Variants in DENND3 observed in about 807,000 individuals in gnomAD.
The protein encoded by DENND3 is DENN domain-containing protein 3.
Under a neutral mutation model 135.1 loss-of-function variants are expected in DENND3, and 88 were observed. That is an observed-to-expected ratio of 0.65 (90% confidence interval 0.55 to 0.78). The LOEUF is 0.78. Among genes scored for constraint, DENND3 ranks in the 30% least tolerant of loss-of-function variants. The pLI is 0.00. For synonymous variants in DENND3, 693 were observed against 712.3 expected (o/e 0.97, Z 0.43); for missense variants, 1,392 against 1,688.4 (o/e 0.82, Z 3.08).
At position 141,175,187 on chromosome 8, in the gene DENND3, T is replaced by G. The variant is rs1265856424; in HGVS notation, c.2276-13T>G. 1 of 1,607,824 alleles carries G rather than the reference T, an allele frequency of 6.2e-7. No individual in the cohort carries two copies. Among genetic ancestry groups the G allele is most frequent in the Admixed American group, 1.7e-5 (1 of 59,160 alleles). Reference sequence around the variant, plus strand: ...GCTGTAAGATACCTCTCTTTTCTTCTTATCAAACTAAGGACAGGAGAAACA... The same window carrying G: ...GCTGTAAGATACCTCTCTTTTCTTCGTATCAAACTAAGGACAGGAGAAACA... On this transcript the variant is annotated splice_polypyrimidine_tract_variant and intron_variant, in intron 13 of 22. Coordinates refer to ENST00000519811, the MANE Select transcript of DENND3 (RefSeq NM_001352890.3). This position sits in a 1 kb window ranked among gnomAD's most constrained non-coding sequence, Gnocchi z 5.4.
At chr8:141,134,987 C>A (rs772045450) in intron 1 of DENND3, among the ~76,000 whole-genome samples, 8 of 152,056 alleles carry the variant, frequency 5.3e-5, no homozygotes, top group South Asian at 4.2e-4. Flanking sequence ...TGCAGGCATG[C>A]GCCACCAAGC....
intron 13 of DENND3, among the ~76,000 whole-genome samples, chr8:141,169,705 G>T (rs755234012): frequency 6.6e-6 from 1 of 152,200 alleles, no homozygotes; most frequent in Non-Finnish European, 1.5e-5. Context: ...CACCTGACGC[G>T]GTACCTAGTG....
chr8:141,148,764 T>C (rs1569555579), intron 5 of DENND3, among the ~76,000 whole-genome samples: 1 of 152,112 alleles, frequency 6.6e-6, no homozygotes, highest in Non-Finnish European at 1.5e-5. Context: ...TAATCTTTAA[T>C]TGGATAGCTG....
At chr8:141,147,066 G>A (rs564921142) in intron 5 of DENND3, among the ~76,000 whole-genome samples, 3 of 152,250 alleles carry the variant, frequency 2.0e-5, no homozygotes, top group South Asian at 4.1e-4. Context: ...CCTTCATCTC[G>A]ACGCACCCGT....
chr8:141,130,898 G>T lies in DENND3; in HGVS notation c.102+2089G>T, dbSNP rs959979410. Among the ~76,000 whole-genome samples the T allele has an allele frequency of 6.6e-6, 1 of 152,068 alleles. No homozygotes were observed. The highest frequency in any genetic ancestry group is 1.5e-5 in the Non-Finnish European group (1 of 68,012). On this transcript the variant is annotated intron_variant, in intron 1 of 22. Transcript: ENST00000519811. The surrounding 1 kb of genome is among the most constrained non-coding windows in gnomAD (Gnocchi z 4.2). ...GACAGGGTTTCACCACGTTGGTCAG[G>T]CTGGTCTCAAACTCCTGACCTCACG...
rs369404169 is a variant in DENND3 at position 141,137,977 on chromosome 8, C to T, written c.386-45C>T. The T allele has an allele frequency of 3.7e-5, 58 of 1,552,046 alleles. No homozygotes were observed. The African/African-American group carries it at 6.9e-4, about 19-fold the overall frequency. ...AAATCAGCTCGTGGGTAACCCAGGC[C>T]ACTTGGCAAGAACAGGATTCTTCTC... On this transcript the variant is annotated intron_variant, in intron 2 of 22. Transcript: ENST00000519811. This position sits in a 1 kb window ranked among gnomAD's most constrained non-coding sequence, Gnocchi z 4.1.
chr8:141,128,754 T>C lies in DENND3; in HGVS notation c.47T>C (p.Leu16Pro). ...SPHLSLPSGL[L>P]ELCALLGAPR... ...CACTTGTCGCTGCCCTCGGGGCTGC[T>C]GGAGCTCTGCGCGCTGCTGGGCGCC... Residue 16 changes from leucine (L) to proline (P), a missense_variant, in exon 1 of 23, where the codon CTG (leucine) becomes CCG (proline). By Grantham distance (98) the Leu-to-Pro change is moderately conservative (BLOSUM62 -3). Transcript: ENST00000519811. The surrounding 1 kb of genome is among the most constrained non-coding windows in gnomAD (Gnocchi z 4.5). The C allele has an allele frequency of 6.8e-7, 1 of 1,467,842 alleles. No homozygotes were observed. Among genetic ancestry groups the C allele is most frequent in the Non-Finnish European group, 9.0e-7 (1 of 1,113,026 alleles). 90.9% of individuals were successfully genotyped at this position (1,467,842 alleles called of 1,614,324 possible). A position where few individuals can be genotyped will look rare whatever the true frequency, so the allele number is the denominator to read the frequency against.
At position 141,168,246 on chromosome 8, in the gene DENND3, A is replaced by T. The variant is rs1821057948; in HGVS notation, c.1996A>T (p.Thr666Ser). 1.9e-6 allele frequency: 3 copies of T among 1,614,014 alleles called. No individual in the cohort carries two copies. The South Asian group carries it at 3.3e-5, about 18-fold the overall frequency. ...CTTGGACTTCCAGAATCTGTATAAAACAGACATACGGATCTTTCCCACTGA... is the reference window on the plus strand; with the variant it reads ...CTTGGACTTCCAGAATCTGTATAAATCAGACATACGGATCTTTCCCACTGA... Reference protein sequence around the residue: ...ALLDFQNLYKTDIRIFPTDLV... With the variant: ...ALLDFQNLYKSDIRIFPTDLV... The change falls in exon 13 of 23, where the codon ACA becomes TCA. Residue 666 changes from threonine to serine, a missense_variant. Physicochemically the swap from Thr to Ser is moderately conservative, Grantham distance 58. Transcript: ENST00000519811. This position sits in a 1 kb window ranked among gnomAD's most constrained non-coding sequence, Gnocchi z 6.2.
Position 141,141,268 on chromosome 8 carries a change from G to C in DENND3, c.567G>C (p.Ala189=). Reference sequence around the variant, plus strand: ...GTCCTGGCTGCTTCGTGCCCTTCGCGGTGTGCGTGGTCTCCAGGTTTCCCT... The same window carrying C: ...GTCCTGGCTGCTTCGTGCCCTTCGCCGTGTGCGTGGTCTCCAGGTTTCCCT... ...RECPGCFVPF[A]VCVVSRFPYY... Residue 189 remains alanine, a synonymous_variant, in exon 4 of 23, where the codon GCG becomes GCC. Coordinates refer to ENST00000519811, the MANE Select transcript of DENND3 (RefSeq NM_001352890.3). The surrounding 1 kb of genome is among the most constrained non-coding windows in gnomAD (Gnocchi z 5.3). 1.2e-6 allele frequency: 2 copies of C among 1,614,164 alleles called. No individual in the cohort carries two copies. The highest frequency in any genetic ancestry group is 3.3e-4 in the Middle Eastern group (2 of 6,044).
chr8:141,183,622 G>A (rs1394536823), intron 17 of DENND3, among the ~76,000 whole-genome samples: 5 of 151,764 alleles, frequency 3.3e-5, no homozygotes, highest in South Asian at 2.1e-4. Flanking sequence ...TTTAATTCAC[G>A]GTGACACAAA....
At chr8:141,193,844 T>G in intron 22 of DENND3, 189 bp from the exon 23 acceptor site, 1 of 625,092 alleles carries the variant, frequency 1.6e-6, no homozygotes, top group Non-Finnish European at 2.8e-6. Flanking sequence ...CCCTCGGCCA[T>G]TAGGTTCTAA....
chr8:141,143,813 C>T (rs972290771), intron 4 of DENND3: 11 of 205,648 alleles, frequency 5.3e-5, no homozygotes, highest in Admixed American at 4.1e-4. Flanking sequence ...TATTCCTTAC[C>T]GAGGTAAAAC....
chr8:141,144,051 G>T lies in DENND3; in HGVS notation c.624-97G>T, dbSNP rs935853452. 1.3e-5 allele frequency: 14 copies of T among 1,037,858 alleles called. No individual in the cohort carries two copies. The African/African-American group carries it at 2.2e-4, about 16-fold the overall frequency. The allele number at this position is 1,037,858 out of a possible 1,614,324, so 64.3% of individuals were successfully genotyped here. On this transcript the variant is annotated intron_variant, in intron 4 of 22. Coordinates refer to ENST00000519811, the MANE Select transcript of DENND3 (RefSeq NM_001352890.3). This position sits in a 1 kb window ranked among gnomAD's most constrained non-coding sequence, Gnocchi z 4.4. ...GAAAGGTCCTGGAGCTGCTGCTGCA[G>T]ACGCTGGGGAGATTCCAGTGTGATT...
At chr8:141,189,988 C>T (rs995574057) in intron 19 of DENND3, among the ~76,000 whole-genome samples, 6 of 152,158 alleles carry the variant, frequency 3.9e-5, no homozygotes, top group Admixed American at 6.5e-5. Context: ...ATTGAGCCTG[C>T]GGCCCGCGGT....
At chr8:141,129,220 A>T (rs1291049785) in intron 1 of DENND3, among the ~76,000 whole-genome samples, 2 of 152,334 alleles carry the variant, frequency 1.3e-5, no homozygotes, top group East Asian at 3.9e-4. Flanking sequence ...CCGGAGCCTC[A>T]CGGTCTAGCG....
At chr8:141,149,205 C>T (rs117665106) in intron 5 of DENND3, among the ~76,000 whole-genome samples, 2,987 of 152,304 alleles carry the variant, frequency 0.02, 52 homozygotes, top group Non-Finnish European at 0.027. Flanking sequence ...CCACCACACC[C>T]GGCCGAATTT....
intron 9 of DENND3, among the ~76,000 whole-genome samples, chr8:141,161,265 G>A (rs190680134): frequency 1.9e-4 from 29 of 152,324 alleles, no homozygotes; most frequent in Non-Finnish European, 3.4e-4. Context: ...GGACAGACAG[G>A]CCATTTTGAT....
chr8:141,176,550 C>CT (rs769404186), intron 14 of DENND3, 41 bp from the exon 15 acceptor site: 2 of 1,612,940 alleles, frequency 1.2e-6, no homozygotes, highest in East Asian at 4.5e-5. Context: ...CACGTGTTCT[C>CT]TGAGTGTGAC....
intron 8 of DENND3, chr8:141,158,052 G>A (rs1371465308): frequency 8.4e-6 from 10 of 1,194,690 alleles, no homozygotes; most frequent in East Asian, 6.3e-5. Context: ...GAGCCACCGC[G>A]CCCAGTCGGA....
Sources: gnomAD v4.1 joint callset for allele counts (sites outside exome capture counted in the v4.1 genomes callset) on GRCh38, gnomAD v4.1.1 for gene constraint, Gnocchi (gnomAD v3.1) non-coding constraint, MANE v1.5 for transcripts, NCBI Gene and HGNC (gene_info 2026-07-23, HGNC 2026-07-21) for gene names.